The following EPB41L1 variants were observed in gnomAD, a reference collection of about 807,000 sequenced individuals.
The protein encoded by EPB41L1 is erythrocyte membrane protein band 4.1 like 1.
A neutral mutation model predicts 97.8 loss-of-function variants in EPB41L1; 29 were observed. The observed-to-expected ratio is 0.30, with a 90% CI of 0.22 to 0.40. The LOEUF (loss-of-function observed/expected upper bound fraction) is 0.40. Among genes scored for constraint, EPB41L1 ranks in the 10% least tolerant of loss-of-function variants. EPB41L1 has a pLI of 1.00. For missense variants in EPB41L1, 812 were observed against 1,162.3 expected (o/e 0.70, Z 4.38); for synonymous variants, 383 against 459.2 (o/e 0.83, Z 2.12).
In EPB41L1 at chr20:36,209,797, G is replaced by C. The variant is rs200358974; in HGVS notation, c.1978G>C (p.Asp660His). ...CACTGAGGGCCTGCTGTTCTCCCGGGATCTCAACAAGGGGGCCCCCAGCCA... is the reference window on the plus strand; with the variant it reads ...CACTGAGGGCCTGCTGTTCTCCCGGCATCTCAACAAGGGGGCCCCCAGCCA... Reference protein sequence around the residue: ...SDTEGLLFSRDLNKGAPSQDD... With the variant: ...SDTEGLLFSRHLNKGAPSQDD... Residue 660 changes from aspartate (D) to histidine (H), a missense_variant, in exon 15 of 22, where the codon GAT becomes CAT. Asp to His is a moderately conservative substitution (Grantham distance 81). Around this residue, in one of 3 missense-constraint regions of EPB41L1, gnomAD observed 498 missense variants for 622.7 expected, o/e 0.80. Coordinates refer to ENST00000338074, the MANE Select transcript of EPB41L1 (RefSeq NM_012156.2). The surrounding 1 kb of genome is among the most constrained non-coding windows in gnomAD (Gnocchi z 4.2). The C allele has an allele frequency of 4.3e-5, 70 of 1,613,986 alleles. No individual in the cohort carries two copies. The highest frequency in any genetic ancestry group is 1.7e-4 in the Middle Eastern group (1 of 6,060).
At chr20:36,104,463 G>T (rs1239131057) in intron 1 of EPB41L1, among the ~76,000 whole-genome samples, 1 of 152,180 alleles carries the variant, frequency 6.6e-6, no homozygotes, top group Non-Finnish European at 1.5e-5. Flanking sequence ...ATTTGGGGGA[G>T]TGATGACTCA....
At position 36,229,382 on chromosome 20, in the gene EPB41L1, C is replaced by G. The variant is rs2064386443; in HGVS notation, c.*42C>G. Reference sequence around the variant, plus strand: ...CTGGCATTTCTGGTCCAACCCAAGCCAGAGAACCATTAAGAAGGGGCCTTC... The same window carrying G: ...CTGGCATTTCTGGTCCAACCCAAGCGAGAGAACCATTAAGAAGGGGCCTTC... On this transcript the variant is annotated 3_prime_UTR_variant, in exon 22 of 22. Coordinates refer to ENST00000338074, the MANE Select transcript of EPB41L1 (RefSeq NM_012156.2). 2.5e-6 allele frequency: 4 copies of G among 1,611,340 alleles called. No individual in the cohort carries two copies. In the East Asian group the frequency reaches 8.9e-5, roughly 36 times the overall value.
intron 1 of EPB41L1, among the ~76,000 whole-genome samples, chr20:36,110,437 C>T (rs2058356244): frequency 1.3e-5 from 2 of 152,122 alleles, no homozygotes; most frequent in Admixed American, 1.3e-4. Context: ...TGTCAGTGCC[C>T]TTCTCTCCTG....
At chr20:36,208,359 C>A (rs2062943697) in intron 14 of EPB41L1, 3 of 451,428 alleles carry the variant, frequency 6.6e-6, no homozygotes, top group Middle Eastern at 3.3e-4. Context: ...GCAGCCAACA[C>A]CCCTGGGAAG....
intron 1 of EPB41L1, among the ~76,000 whole-genome samples, chr20:36,112,220 C>T (rs529389742): frequency 3.3e-5 from 5 of 152,308 alleles, no homozygotes; most frequent in East Asian, 1.9e-4. Flanking sequence ...CAAGGTCCTT[C>T]GCTGCCTGGC....
rs1317265014 is a variant in EPB41L1, at chr20:36,207,140, C to T, written c.1669-2348C>T. On this transcript the variant is annotated intron_variant, in intron 14 of 21. Coordinates refer to ENST00000338074, the MANE Select transcript of EPB41L1 (RefSeq NM_012156.2). The surrounding 1 kb of genome is among the most constrained non-coding windows in gnomAD (Gnocchi z 4.9). ...CTGGCAGCTCTGGAGGAAGCTTCTC[C>T]AAGCCCAACCTCCCATGGGTCAGGG... 7.8e-7 allele frequency: 1 copy of T among 1,289,412 alleles called. No homozygotes were observed. The highest frequency in any genetic ancestry group is 1.0e-6 in the Non-Finnish European group (1 of 988,628). The allele number at this position is 1,289,412 out of a possible 1,614,324, so 79.9% of individuals were successfully genotyped here.
chr20:36,154,424 A>T (rs2752894), upstream of EPB41L1, among the ~76,000 whole-genome samples: 56,899 of 151,462 alleles, frequency 0.38, 14,158 homozygotes, highest in African/African-American at 0.71. The surrounding 1 kb of genome is among the most constrained non-coding windows in gnomAD (Gnocchi z 5.5). Flanking sequence ...GAGGCCCCCC[A>T]GCTGCACAGT....
At chr20:36,091,697 GTTT>G (rs1253462435) in intron 1 of EPB41L1, 3 of 152,170 alleles carry the variant, frequency 2.0e-5, no homozygotes, top group Non-Finnish European at 4.4e-5. Flanking sequence ...CATCTTCCCT[GTTT>G]CTTCCTTTAG....
chr20:36,142,999 A>T lies in EPB41L1; in HGVS notation c.-10+30519A>T, dbSNP rs1224669523. Among the ~76,000 whole-genome samples the T allele has an allele frequency of 2.6e-5, 4 of 152,214 alleles. No individual in the cohort carries two copies. In the East Asian group the frequency reaches 7.7e-4, roughly 29 times the overall value. On this transcript the variant is annotated intron_variant, in intron 2 of 19. Transcript: ENST00000202028. ...CATCAGAGCTGGTGGTGGCAGCAGT[A>T]ACTCTGACAGAGTGGAACTGCTCTC...
chr20:36,206,016 G>A lies in EPB41L1; in HGVS notation c.1669-3472G>A. On this transcript the variant is annotated intron_variant, in intron 14 of 21. Coordinates refer to ENST00000338074, the MANE Select transcript of EPB41L1 (RefSeq NM_012156.2). This position sits in a 1 kb window ranked among gnomAD's most constrained non-coding sequence, Gnocchi z 5.5. ...ACGTTCTGGTGGACAAGTTCAAAGTGGAAGTGGCCACAGAAGAAATGGTGG... is the reference window on the plus strand; with the variant it reads ...ACGTTCTGGTGGACAAGTTCAAAGTAGAAGTGGCCACAGAAGAAATGGTGG... The A allele has an allele frequency of 7.8e-7, 1 of 1,289,858 alleles. No individual in the cohort carries two copies. Among genetic ancestry groups the A allele is most frequent in the East Asian group, 5.5e-5 (1 of 18,028 alleles). 79.9% of individuals were successfully genotyped at this position (1,289,858 alleles called of 1,614,324 possible). A position where few individuals can be genotyped will look rare whatever the true frequency, so the allele number is the denominator to read the frequency against.
At chr20:36,228,402 A>G (rs564575947) in intron 21 of EPB41L1, among the ~76,000 whole-genome samples, 1 of 152,324 alleles carries the variant, frequency 6.6e-6, no homozygotes, top group African/African-American at 2.4e-5. Flanking sequence ...ATTGAGGCTT[A>G]AAGAAGTTAA....
chr20:36,135,105 C>T (rs948699945), intron 2 of EPB41L1, among the ~76,000 whole-genome samples: 13 of 151,998 alleles, frequency 8.6e-5, no homozygotes, highest in Non-Finnish European at 1.6e-4. Context: ...TCAAGTGACC[C>T]GACCACCTCG....
chr20:36,153,360 A>C (rs1305600326), upstream of EPB41L1, among the ~76,000 whole-genome samples: 1 of 152,032 alleles, frequency 6.6e-6, no homozygotes, highest in African/African-American at 2.4e-5. Flanking sequence ...TACTGAGGGA[A>C]TCGCATCAGG....
At chr20:36,156,793 G>A (rs2060319979) in intron 1 of EPB41L1, among the ~76,000 whole-genome samples, 1 of 152,186 alleles carries the variant, frequency 6.6e-6, no homozygotes, top group Non-Finnish European at 1.5e-5. Flanking sequence ...AGGATGCCAG[G>A]TGCCCAGGGA....
chr20:36,157,606 G>GGT (rs147240689), intron 1 of EPB41L1, among the ~76,000 whole-genome samples: 4 of 151,666 alleles, frequency 2.6e-5, no homozygotes, highest in African/African-American at 7.3e-5. Context: ...GTGTGTGAGG[G>GGT]GTGTGTGTGT....
chr20:36,138,904 T>G (rs1600524115), intron 2 of EPB41L1, among the ~76,000 whole-genome samples: 1 of 151,902 alleles, frequency 6.6e-6, no homozygotes, highest in East Asian at 1.9e-4. Flanking sequence ...TCTCTTGCCT[T>G]GTGTGTGTTC....
intron 14 of EPB41L1, among the ~76,000 whole-genome samples, chr20:36,200,621 G>C (rs1322618473): frequency 1.3e-5 from 2 of 152,188 alleles, no homozygotes; most frequent in East Asian, 3.9e-4. Flanking sequence ...AAGGGCACTG[G>C]GGCTGACTGT....
chr20:36,109,030 G>A (rs887652895), intron 1 of EPB41L1, among the ~76,000 whole-genome samples: 2 of 151,216 alleles, frequency 1.3e-5, no homozygotes, highest in Non-Finnish European at 2.9e-5. Flanking sequence ...TGCAAGCTCC[G>A]CCTCCTGGAT....
At chr20:36,182,490 A>G in intron 6 of EPB41L1, 143 bp downstream of exon 6, 1 of 859,192 alleles carries the variant, frequency 1.2e-6, no homozygotes, top group Non-Finnish European at 1.9e-6. Flanking sequence ...CATCGTACAC[A>G]GGAAGCCGAC....
Sources: allele counts gnomAD v4.1 joint callset (sites outside exome capture counted in the v4.1 genomes callset), GRCh38; gene constraint gnomAD v4.1.1; regional missense constraint gnomAD v4.1.1; non-coding constraint Gnocchi (gnomAD v3.1); transcripts MANE v1.5; gene names NCBI Gene and HGNC (gene_info 2026-07-23, HGNC 2026-07-21).